The following PLXNA4 variants were observed in gnomAD, a reference collection of about 807,000 sequenced individuals.
The protein encoded by PLXNA4 is plexin-A4.
PLXNA4 carries 44 observed loss-of-function variants against 191.8 expected under a neutral mutation model. The observed-to-expected ratio is 0.23, with a 90% CI of 0.18 to 0.29. PLXNA4 has a LOEUF of 0.29. Among genes scored for constraint, PLXNA4 ranks in the 10% least tolerant of loss-of-function variants. The pLI, the probability that PLXNA4 is intolerant of heterozygous loss-of-function variation, is 1.00. For missense variants in PLXNA4, 1,800 were observed against 2,488.8 expected, an observed-to-expected ratio of 0.72 and a Z score of 5.89; for synonymous variants, 1,082 against 1,009.5, an observed-to-expected ratio of 1.07 and a Z score of -1.36.
At chr7:132,471,223 G>A (rs187088798) in intron 3 of PLXNA4, among the ~76,000 whole-genome samples, 15 of 152,200 alleles carry the variant, frequency 9.9e-5, no homozygotes, top group African/African-American at 2.4e-4. Context: ...TTCCTGAGGC[G>A]TGCCCAGAGC....
chr7:132,330,082 T>C (rs1159039642), intron 3 of PLXNA4, among the ~76,000 whole-genome samples: 1 of 152,122 alleles, frequency 6.6e-6, no homozygotes, highest in Non-Finnish European at 1.5e-5. Context: ...AGGGCAGATT[T>C]CCCTGGGCTG....
At chr7:132,435,797 G>A (rs113010951) in intron 3 of PLXNA4, among the ~76,000 whole-genome samples, 157 of 152,256 alleles carry the variant, frequency 1.0e-3, no homozygotes, top group African/African-American at 3.4e-3. Context: ...ACACATTGGA[G>A]TACCCGCTTC....
chr7:132,139,250 C>A (rs1273149438), intron 30 of PLXNA4, among the ~76,000 whole-genome samples: 1 of 151,700 alleles, frequency 6.6e-6, no homozygotes. Flanking sequence ...AAATCAAACC[C>A]TTTTAGTGAC....
chr7:132,507,560 C>T lies in PLXNA4; in HGVS notation c.1134G>A (p.Glu378=), dbSNP rs922228083. 1 of 1,613,860 alleles carries T rather than the reference C, an allele frequency of 6.2e-7. No individual in the cohort carries two copies. Among genetic ancestry groups the T allele is most frequent in the African/African-American group, 1.3e-5 (1 of 74,924 alleles). ...TGAGCCAGGCCAGGTCCAGCGTGCC[C>T]TCGCCCCGGTAACAAGACTGCAGCC... The part of the protein sequence containing the change: ...KERLQSCYRG[E]GTLDLAWLKV... The change falls in exon 2 of 32, where the codon GAG becomes GAA. Residue 378 remains glutamate (E), a synonymous_variant. Transcript: ENST00000321063.
intron 3 of PLXNA4, among the ~76,000 whole-genome samples, chr7:132,429,512 G>T (rs1795181975): frequency 6.6e-6 from 1 of 152,210 alleles, no homozygotes; most frequent in Admixed American, 6.5e-5. Context: ...AAGCATGGCT[G>T]TGTTCTAGCA....
At chr7:132,153,957 G>T (rs1243730917) in intron 25 of PLXNA4, among the ~76,000 whole-genome samples, 2 of 152,146 alleles carry the variant, frequency 1.3e-5, no homozygotes, top group African/African-American at 2.4e-5. Flanking sequence ...CTTCAGGAAG[G>T]GCTGCTGAAG....
intron 3 of PLXNA4, among the ~76,000 whole-genome samples, chr7:132,339,373 G>A (rs1802938061): frequency 6.6e-6 from 1 of 152,168 alleles, no homozygotes; most frequent in Non-Finnish European, 1.5e-5. Context: ...CTACATGAAA[G>A]TTTATCTCTG....
chr7:132,218,161 C>T (rs1205569727), intron 9 of PLXNA4, among the ~76,000 whole-genome samples: 4 of 152,104 alleles, frequency 2.6e-5, no homozygotes, highest in Admixed American at 6.5e-5. Flanking sequence ...TCGGCCTTGC[C>T]GGCTCTTCAG....
At chr7:132,229,753 G>A (rs1798460244) in intron 5 of PLXNA4, among the ~76,000 whole-genome samples, 2 of 152,106 alleles carry the variant, frequency 1.3e-5, no homozygotes, top group Admixed American at 1.3e-4. Flanking sequence ...GCCTTGGGGA[G>A]GGAGCCTTGG....
At chr7:132,269,471 T>C (rs937151352) in intron 4 of PLXNA4, among the ~76,000 whole-genome samples, 1 of 148,996 alleles carries the variant, frequency 6.7e-6, no homozygotes, top group Non-Finnish European at 1.5e-5. Flanking sequence ...ATGCTGCTCA[T>C]GATGCCTAGA....
chr7:132,523,560 G>C lies in PLXNA4; in HGVS notation c.-86-14781C>G, dbSNP rs116015197. Among the ~76,000 whole-genome samples, 1,017 of 152,332 alleles carry C rather than the reference G, an allele frequency of 6.7e-3. 12 individuals carry two copies. Among genetic ancestry groups the C allele is most frequent in the African/African-American group, 0.023 (967 of 41,566 alleles). ...GAAGAGAGACAGCAGATGCCGGAGG[G>C]TATATTCCAAATGGCAGGAAAAGCC... On this transcript the variant is annotated intron_variant, in intron 1 of 31. Coordinates refer to ENST00000321063, the MANE Select transcript of PLXNA4 (RefSeq NM_020911.2).
At chr7:132,568,224 C>T (rs569750414) in intron 1 of PLXNA4, among the ~76,000 whole-genome samples, 99 of 152,272 alleles carry the variant, frequency 6.5e-4, no homozygotes, top group Non-Finnish European at 1.2e-3. Flanking sequence ...GAGGTCATTA[C>T]GACCTCCCCC....
intron 31 of PLXNA4, among the ~76,000 whole-genome samples, chr7:132,130,847 A>G (rs982300924): frequency 6.6e-5 from 10 of 152,184 alleles, no homozygotes; most frequent in African/African-American, 1.4e-4. Context: ...ACTGGCTACA[A>G]AAGATGGTAG....
At chr7:132,613,171 A>G (rs556672888) in intron 2 of PLXNA4, among the ~76,000 whole-genome samples, 1 of 152,292 alleles carries the variant, frequency 6.6e-6, no homozygotes, top group South Asian at 2.1e-4. Context: ...GGTCTCATGC[A>G]GCTTTCCTCC....
chr7:132,170,179 T>G (rs540324789), intron 21 of PLXNA4, among the ~76,000 whole-genome samples: 1 of 152,268 alleles, frequency 6.6e-6, no homozygotes, highest in Admixed American at 6.5e-5. Context: ...AACATAATGA[T>G]AGCTAATACT....
chr7:132,494,811 G>C (rs1364834766), intron 2 of PLXNA4, among the ~76,000 whole-genome samples: 1 of 152,186 alleles, frequency 6.6e-6, no homozygotes, highest in Non-Finnish European at 1.5e-5. Flanking sequence ...TCCATGAAAA[G>C]GGGATTTTAA....
chr7:132,180,252 A>C (rs1010412748), intron 19 of PLXNA4, among the ~76,000 whole-genome samples: 1 of 152,214 alleles, frequency 6.6e-6, no homozygotes, highest in Non-Finnish European at 1.5e-5. Context: ...AAGGGTGGAC[A>C]ACTGAAGCAC....
intron 1 of PLXNA4, among the ~76,000 whole-genome samples, chr7:132,524,562 C>T (rs1331340253): frequency 1.3e-5 from 2 of 152,170 alleles, no homozygotes; most frequent in Non-Finnish European, 2.9e-5. Context: ...AAATAACTCA[C>T]ACTAAGAGCA....
chr7:132,631,322 C>T (rs988531518), intron 2 of PLXNA4, among the ~76,000 whole-genome samples: 1 of 152,192 alleles, frequency 6.6e-6, no homozygotes, highest in African/African-American at 2.4e-5. Flanking sequence ...TTAAGAGGCA[C>T]AGCCCTTATT....
Sources: gnomAD v4.1 joint callset for allele counts (sites outside exome capture counted in the v4.1 genomes callset) on GRCh38, gnomAD v4.1.1 for gene constraint, MANE v1.5 for transcripts, NCBI Gene and HGNC (gene_info 2026-07-23, HGNC 2026-07-21) for gene names.